CALN1: variants seen among roughly 807,000 people sequenced by gnomAD.
The protein encoded by CALN1 is calneuron 1.
Under a neutral mutation model 30.6 loss-of-function variants are expected in CALN1, and 17 were observed. That is an observed-to-expected ratio of 0.56 (90% CI 0.38 to 0.83). The LOEUF (loss-of-function observed/expected upper bound fraction) is 0.83, where lower values mean the gene tolerates loss of function less well. CALN1 is among the 40% of genes least tolerant of loss of function. The probability of loss-of-function intolerance (pLI) is 0.00; values close to 1 mark genes in which losing one functional copy is unlikely to be tolerated. For synonymous variants in CALN1, 156 were observed against 131.4 expected (o/e 1.19, Z -1.28); for missense variants, 291 against 354.9 (o/e 0.82, Z 1.45).
At chr7:72,407,885 A>C (rs566156553) in intron 1 of CALN1, among the ~76,000 whole-genome samples, 2 of 152,238 alleles carry the variant, frequency 1.3e-5, no homozygotes, top group African/African-American at 4.8e-5. Flanking sequence ...GTCAAGCTGG[A>C]AACTCAGACA....
At chr7:72,150,627 C>G (rs1476291659) in intron 3 of CALN1, among the ~76,000 whole-genome samples, 2 of 152,116 alleles carry the variant, frequency 1.3e-5, no homozygotes, top group Non-Finnish European at 2.9e-5. Context: ...AGAGGGTGAG[C>G]TTGATATTGG....
intron 2 of CALN1, among the ~76,000 whole-genome samples, chr7:72,306,129 C>A (rs1179409576): frequency 6.6e-6 from 1 of 152,114 alleles, no homozygotes; most frequent in African/African-American, 2.4e-5. Flanking sequence ...TCCAAACTGA[C>A]ACTGGTATAA....
chr7:72,226,821 T>C (rs1793708899), intron 3 of CALN1, among the ~76,000 whole-genome samples: 1 of 152,110 alleles, frequency 6.6e-6, no homozygotes, highest in Non-Finnish European at 1.5e-5. Context: ...GGTGAGCAGA[T>C]GCCTTGAGGT....
rs1202467021 is a variant in CALN1, at chr7:71,779,888, C to T, written c.*7887G>A. On this transcript the variant is annotated 3_prime_UTR_variant, in exon 7 of 7. Transcript: ENST00000395275. ...ATGAGAGCTGCCAAGCTCCAATCGT[C>T]CTGGCCATGATCAATCCCCAGCTGT... 1 of 152,180 alleles carries T rather than the reference C, an allele frequency of 6.6e-6. No homozygotes were observed. The highest frequency in any genetic ancestry group is 1.5e-5 in the Non-Finnish European group (1 of 68,050). The allele number at this position is 152,180 out of a possible 1,614,324, so 9.4% of individuals were successfully genotyped here.
intron 2 of CALN1, among the ~76,000 whole-genome samples, chr7:72,349,302 GT>G (rs1802806855): frequency 1.3e-5 from 2 of 151,524 alleles, no homozygotes; most frequent in African/African-American, 4.9e-5. Context: ...GTGTGTGTGT[GT>G]GTGTGTGTGT....
At chr7:72,326,166 G>C (rs1801263845) in intron 2 of CALN1, among the ~76,000 whole-genome samples, 1 of 152,206 alleles carries the variant, frequency 6.6e-6, no homozygotes, top group South Asian at 2.1e-4. Flanking sequence ...GCCTCCCAAA[G>C]TGCTGGGATT....
the CALN1 span, among the ~76,000 whole-genome samples, chr7:72,469,464 T>C: frequency 6.6e-6 from 1 of 152,318 alleles, no homozygotes; most frequent in Admixed American, 6.5e-5. Context: ...TGTTGCCATC[T>C]CGGCTCACTG....
chr7:71,843,339 C>T (rs1445875274), intron 5 of CALN1, among the ~76,000 whole-genome samples: 2 of 152,078 alleles, frequency 1.3e-5, no homozygotes, highest in Non-Finnish European at 2.9e-5. Flanking sequence ...AAATTTTAGG[C>T]CAGGCATGGG....
At chr7:72,481,740 G>T in the CALN1 span, among the ~76,000 whole-genome samples, 1 of 152,048 alleles carries the variant, frequency 6.6e-6, no homozygotes, top group Admixed American at 6.5e-5. Context: ...TGTGTTATTT[G>T]ATTTCCACGT....
intron 2 of CALN1, among the ~76,000 whole-genome samples, chr7:72,365,182 G>A (rs1803808362): frequency 6.6e-6 from 1 of 152,120 alleles, no homozygotes; most frequent in South Asian, 2.1e-4. Context: ...GCATATGACT[G>A]TAATCCCACC....
chr7:72,060,380 G>C (rs149941769), intron 4 of CALN1, among the ~76,000 whole-genome samples: 22 of 152,222 alleles, frequency 1.4e-4, no homozygotes, highest in African/African-American at 5.3e-4. Flanking sequence ...GACAAATAAA[G>C]CCTCAGCTTG....
intron 5 of CALN1, chr7:71,913,597 C>A (rs945662674): frequency 6.6e-6 from 1 of 152,198 alleles, no homozygotes; most frequent in Non-Finnish European, 1.5e-5. Context: ...TAGAGACAGG[C>A]TCTCCCTCTG....
chr7:72,012,239 C>G (rs554842699), intron 5 of CALN1, among the ~76,000 whole-genome samples: 17 of 152,242 alleles, frequency 1.1e-4, no homozygotes, highest in African/African-American at 3.6e-4. Flanking sequence ...TTTAATCGGC[C>G]GGGCACGGTG....
intron 3 of CALN1, among the ~76,000 whole-genome samples, chr7:72,116,715 A>G (rs1178617831): frequency 1.3e-5 from 2 of 152,178 alleles, no homozygotes; most frequent in Non-Finnish European, 2.9e-5. Flanking sequence ...GGACTCCTGT[A>G]AATCAGTAAA....
upstream of CALN1, among the ~76,000 whole-genome samples, chr7:72,449,735 C>T (rs188668885): frequency 6.6e-6 from 1 of 151,682 alleles, no homozygotes; most frequent in African/African-American, 2.4e-5. Flanking sequence ...ATTAGCCGGG[C>T]ATGGTGGCGG....
At chr7:72,356,334 G>A (rs1803227252) in intron 2 of CALN1, among the ~76,000 whole-genome samples, 1 of 151,912 alleles carries the variant, frequency 6.6e-6, no homozygotes. Context: ...ATAATGTTTG[G>A]TAGTTTCTTA....
At chr7:72,138,726 C>G (rs1031738503) in intron 3 of CALN1, among the ~76,000 whole-genome samples, 1 of 152,154 alleles carries the variant, frequency 6.6e-6, no homozygotes, top group Non-Finnish European at 1.5e-5. Flanking sequence ...CGACAATATG[C>G]CTGATAAAAC....
chr7:71,790,853 C>T (rs142808738), intron 6 of CALN1, among the ~76,000 whole-genome samples: 31 of 152,092 alleles, frequency 2.0e-4, no homozygotes, highest in African/African-American at 5.8e-4. Flanking sequence ...ATGGAGCTGC[C>T]GGGGACAGGA....
intron 5 of CALN1, among the ~76,000 whole-genome samples, chr7:71,929,678 C>A (rs887901222): frequency 6.6e-6 from 1 of 152,154 alleles, no homozygotes. Flanking sequence ...CACTTTTTGG[C>A]TATTGTGAAC....
Sources: gnomAD v4.1 joint callset for allele counts (sites outside exome capture counted in the v4.1 genomes callset) on GRCh38, gnomAD v4.1.1 for gene constraint, MANE v1.5 for transcripts, NCBI Gene and HGNC (gene_info 2026-07-23, HGNC 2026-07-21) for gene names.